The following PLCB1 variants were observed in gnomAD, a reference collection of about 807,000 sequenced individuals.
PLCB1 encodes the protein 1-phosphatidylinositol 4,5-bisphosphate phosphodiesterase beta-1.
In PLCB1, 46 loss-of-function variants were observed where a neutral mutation model predicts 161.8. The observed-to-expected ratio is 0.28, with a 90% CI of 0.22 to 0.36. The LOEUF (loss-of-function observed/expected upper bound fraction) is 0.36, where lower values mean the gene tolerates loss of function less well. Among genes scored for constraint, PLCB1 ranks in the 10% least tolerant of loss-of-function variants. The pLI is 1.00. For synonymous variants in PLCB1, 517 were observed against 503.7 expected (o/e 1.03, Z -0.35); for missense variants, 1,016 against 1,472.5 (o/e 0.69, Z 5.07).
intron 2 of PLCB1, among the ~76,000 whole-genome samples, chr20:8,214,486 G>A (rs1979011909): frequency 6.6e-6 from 1 of 152,070 alleles, no homozygotes; most frequent in Non-Finnish European, 1.5e-5. Context: ...CTCCTCAGAA[G>A]CAGACATCTG....
intron 2 of PLCB1, among the ~76,000 whole-genome samples, chr20:8,157,995 A>C (rs1434937466): frequency 1.3e-5 from 2 of 152,218 alleles, no homozygotes; most frequent in African/African-American, 4.8e-5. Context: ...CCTTGGTTTC[A>C]TAAGTTGCAT....
At chr20:8,151,799 A>T (rs2051511657) in intron 2 of PLCB1, among the ~76,000 whole-genome samples, 1 of 152,172 alleles carries the variant, frequency 6.6e-6, no homozygotes, top group African/African-American at 2.4e-5. Flanking sequence ...CCAAACTGTC[A>T]GTTTGATTTT....
chr20:8,375,133 G>A (rs971605224), intron 3 of PLCB1, among the ~76,000 whole-genome samples: 2 of 152,064 alleles, frequency 1.3e-5, no homozygotes, highest in African/African-American at 4.8e-5. Context: ...AGAGAACTTG[G>A]GAGATCTTTA....
chr20:8,879,134 T>A lies in PLCB1; in HGVS notation c.3424-2488T>A, dbSNP rs370611198. 6.6e-5 allele frequency among the ~76,000 whole-genome samples: 10 copies of A among 152,330 alleles called. No individual in the cohort carries two copies. The East Asian group carries it at 1.5e-3, about 23-fold the overall frequency. ...TGCATCCATGTTGCTGCAAAGGACA[T>A]GATTTCATACTTTTTATGGCTGCCT... On this transcript the variant is annotated intron_variant, in intron 31 of 31. Transcript: ENST00000338037.
chr20:8,811,454 T>A (rs879809613), intron 31 of PLCB1, among the ~76,000 whole-genome samples: 7 of 152,216 alleles, frequency 4.6e-5, no homozygotes, highest in Non-Finnish European at 8.8e-5. Context: ...TATAGCCCTG[T>A]GCACTTCCAT....
chr20:8,141,592 A>G (rs1484619650), intron 1 of PLCB1, among the ~76,000 whole-genome samples: 2 of 147,884 alleles, frequency 1.4e-5, no homozygotes, highest in African/African-American at 2.5e-5. Context: ...GCGCCACTGC[A>G]TTCCAGCCTG....
intron 3 of PLCB1, among the ~76,000 whole-genome samples, chr20:8,516,353 G>C (rs1253801600): frequency 6.6e-6 from 1 of 152,092 alleles, no homozygotes; most frequent in African/African-American, 2.4e-5. Context: ...CAGTTACATA[G>C]TTAAGCTCAA....
In PLCB1 at chr20:8,132,473, C is replaced by T. The variant is rs978311370; in HGVS notation, c.-179C>T. 2.0e-5 allele frequency: 7 copies of T among 342,892 alleles called. No homozygotes were observed. The highest frequency in any genetic ancestry group is 4.9e-5 in the Admixed American group (1 of 20,542). The allele number at this position is 342,892 out of a possible 1,614,324, so 21.2% of individuals were successfully genotyped here. ...GGGCGCTGCGCCCCCGCGCGCTCTGCCTGCTGAGCGGCGCCGGAGGGAGGT... is the reference window on the plus strand; with the variant it reads ...GGGCGCTGCGCCCCCGCGCGCTCTGTCTGCTGAGCGGCGCCGGAGGGAGGT... On this transcript the variant is annotated 5_prime_UTR_variant, in exon 1 of 32. Transcript: ENST00000338037. This position sits in a 1 kb window ranked among gnomAD's most constrained non-coding sequence, Gnocchi z 5.2.
intron 2 of PLCB1, among the ~76,000 whole-genome samples, chr20:8,337,551 CAT>C (rs1985628897): frequency 6.6e-6 from 1 of 152,144 alleles, no homozygotes; most frequent in African/African-American, 2.4e-5. Context: ...TTGCCTTAGA[CAT>C]ATGGAAAATG....
chr20:8,199,147 G>A (rs2052062257), intron 2 of PLCB1, among the ~76,000 whole-genome samples: 1 of 151,976 alleles, frequency 6.6e-6, no homozygotes, highest in South Asian at 2.1e-4. Context: ...CCTTGACAAT[G>A]AACATTGAGC....
intron 27 of PLCB1, among the ~76,000 whole-genome samples, chr20:8,781,603 G>A (rs1983242029): frequency 6.6e-6 from 1 of 152,018 alleles, no homozygotes; most frequent in Non-Finnish European, 1.5e-5. Context: ...CCCTACTCGA[G>A]GTGGTGTATT....
Position 8,802,237 on chromosome 20 carries a change from G to A in PLCB1, c.3423+11976G>A, listed in dbSNP as rs77249011. 0.039 allele frequency: 32,042 copies of A among 825,320 alleles called. 2,152 individuals are homozygous for A. Among genetic ancestry groups the A allele is most frequent in the South Asian group, 0.19 (12,910 of 67,048 alleles). The allele number at this position is 825,320 out of a possible 1,614,324, so 51.1% of individuals were successfully genotyped here. A position where few individuals can be genotyped will look rare whatever the true frequency, so the allele number is the denominator to read the frequency against. Reference sequence around the variant, plus strand: ...TGGTGTGTAGCCATCCAGTTTTCAGGCATCACGGACTTGCTCGTTTGTCCT... The same window carrying A: ...TGGTGTGTAGCCATCCAGTTTTCAGACATCACGGACTTGCTCGTTTGTCCT... On this transcript the variant is annotated intron_variant, in intron 31 of 31. Coordinates refer to ENST00000338037, the MANE Select transcript of PLCB1 (RefSeq NM_015192.4).
chr20:8,253,536 C>G (rs1485903818), intron 2 of PLCB1, among the ~76,000 whole-genome samples: 1 of 151,956 alleles, frequency 6.6e-6, no homozygotes, highest in African/African-American at 2.4e-5. Flanking sequence ...CATTTCTGGT[C>G]TACATGAATT....
intron 3 of PLCB1, among the ~76,000 whole-genome samples, chr20:8,566,104 G>A (rs6039196): frequency 0.58 from 88,204 of 151,892 alleles, 26,380 homozygotes; most frequent in African/African-American, 0.7. Context: ...TTAAATCATC[G>A]CTTTTAAATT....
chr20:8,478,026 A>G (rs1982352143), intron 3 of PLCB1, among the ~76,000 whole-genome samples: 1 of 152,164 alleles, frequency 6.6e-6, no homozygotes, highest in Admixed American at 6.5e-5. Context: ...TATTGAGTAA[A>G]ATTTATCTGA....
chr20:8,651,096 G>A (rs1989307259), intron 7 of PLCB1, among the ~76,000 whole-genome samples: 2 of 151,792 alleles, frequency 1.3e-5, no homozygotes, highest in South Asian at 2.1e-4. Context: ...TTTTTTTCTC[G>A]TGCAGAGCTC....
chr20:8,340,415 T>G (rs921855723), intron 2 of PLCB1, among the ~76,000 whole-genome samples: 2 of 152,168 alleles, frequency 1.3e-5, no homozygotes, highest in Admixed American at 1.3e-4. Flanking sequence ...AAATTCTAGT[T>G]TTTTTTTGTT....
chr20:8,369,286 T>G (rs753787489), intron 2 of PLCB1, among the ~76,000 whole-genome samples: 40 of 152,300 alleles, frequency 2.6e-4, no homozygotes, highest in Admixed American at 5.9e-4. Flanking sequence ...CTCTCTCCTC[T>G]TTCTTCCAAT....
intron 2 of PLCB1, among the ~76,000 whole-genome samples, chr20:8,275,250 AGTGTGT>A (rs3031931): frequency 6.9e-5 from 10 of 145,368 alleles, no homozygotes; most frequent in South Asian, 2.2e-4. Context: ...CATCAGCGTG[AGTGTGT>A]GTGTGTGTGT....
Sources: gnomAD v4.1 joint callset for allele counts (sites outside exome capture counted in the v4.1 genomes callset) on GRCh38, gnomAD v4.1.1 for gene constraint, Gnocchi (gnomAD v3.1) non-coding constraint, MANE v1.5 for transcripts, NCBI Gene and HGNC (gene_info 2026-07-23, HGNC 2026-07-21) for gene names.